The following IGSF10 variants were observed in gnomAD, a reference collection of about 807,000 sequenced individuals.
IGSF10 encodes the protein immunoglobulin superfamily member 10, also known as calvaria mechanical force protein 608.
In IGSF10, 126 loss-of-function variants were observed where a neutral mutation model predicts 128.2. The observed-to-expected ratio is 0.98, with a 90% confidence interval of 0.85 to 1.14. IGSF10 has a LOEUF of 1.14. IGSF10 is among the 50% of genes most tolerant of loss of function. IGSF10 has a pLI of 0.00. For missense variants in IGSF10, 3,295 were observed against 3,149.8 expected (o/e 1.05, Z -1.10); for synonymous variants, 1,185 against 1,146.2 (o/e 1.03, Z -0.68).
the IGSF10 span, chr3:151,565,953 T>C: frequency 6.6e-6 from 1 of 151,482 alleles, no homozygotes; most frequent in East Asian, 2.0e-4. Flanking sequence ...TGAGGAAAGG[T>C]TGGTAGAAAT....
chr3:151,562,248 C>A, the IGSF10 span, among the ~76,000 whole-genome samples: 2 of 152,134 alleles, frequency 1.3e-5, no homozygotes, highest in Admixed American at 1.3e-4. Context: ...TGACAGTTTA[C>A]AAATGCCACA....
the IGSF10 span, among the ~76,000 whole-genome samples, chr3:151,555,611 G>A: frequency 2.0e-5 from 3 of 152,154 alleles, no homozygotes; most frequent in Non-Finnish European, 4.4e-5. Context: ...CCTAATCAAA[G>A]TAGCACTGAT....
chr3:151,496,853 T>C, the IGSF10 span, among the ~76,000 whole-genome samples: 4 of 152,174 alleles, frequency 2.6e-5, no homozygotes, highest in South Asian at 6.2e-4. Flanking sequence ...GTTTCCTGAC[T>C]TTTTAATGAT....
the IGSF10 span, among the ~76,000 whole-genome samples, chr3:151,486,900 T>A: frequency 6.6e-6 from 1 of 152,114 alleles, no homozygotes; most frequent in Non-Finnish European, 1.5e-5. Context: ...CTAAAATTGA[T>A]ATCCTAACAT....
chr3:151,527,341 A>G, the IGSF10 span, among the ~76,000 whole-genome samples: 1 of 152,102 alleles, frequency 6.6e-6, no homozygotes, highest in Non-Finnish European at 1.5e-5. Flanking sequence ...TCATCAAAAC[A>G]TGTCTGTGGG....
the IGSF10 span, among the ~76,000 whole-genome samples, chr3:151,566,189 T>C: frequency 6.6e-6 from 1 of 151,966 alleles, no homozygotes; most frequent in African/African-American, 2.4e-5. Flanking sequence ...AAATCAGAAA[T>C]CTGACCAAAT....
intron 6 of IGSF10, among the ~76,000 whole-genome samples, chr3:151,444,482 A>G (rs9825817): frequency 6.6e-6 from 1 of 151,860 alleles, no homozygotes; most frequent in Admixed American, 6.5e-5. Flanking sequence ...TAATTTATGT[A>G]TTTTTTTAGT....
At chr3:151,567,603 C>T in the IGSF10 span, among the ~76,000 whole-genome samples, 4 of 152,098 alleles carry the variant, frequency 2.6e-5, no homozygotes, top group African/African-American at 9.7e-5. Flanking sequence ...CTTTTATATG[C>T]AAACTAAGCA....
the IGSF10 span, among the ~76,000 whole-genome samples, chr3:151,478,285 A>G: frequency 1.3e-5 from 2 of 152,214 alleles, no homozygotes; most frequent in Non-Finnish European, 2.9e-5. Context: ...TTTGTCATGG[A>G]GACATTATCT....
At chr3:151,506,384 T>TA in the IGSF10 span, among the ~76,000 whole-genome samples, 7 of 152,216 alleles carry the variant, frequency 4.6e-5, no homozygotes, top group African/African-American at 1.7e-4. Context: ...GTAGGTAAGT[T>TA]AAAAGGAACA....
chr3:151,553,679 A>T, the IGSF10 span, among the ~76,000 whole-genome samples: 1 of 150,978 alleles, frequency 6.6e-6, no homozygotes, highest in East Asian at 2.0e-4. Context: ...GTATTTCTTA[A>T]TTTTTTCATC....
At chr3:151,524,283 T>C in the IGSF10 span, among the ~76,000 whole-genome samples, 1 of 152,098 alleles carries the variant, frequency 6.6e-6, no homozygotes, top group Non-Finnish European at 1.5e-5. Context: ...ACTGGGCATA[T>C]ACCCAGAGGG....
At chr3:151,557,869 T>C in the IGSF10 span, among the ~76,000 whole-genome samples, 4 of 149,870 alleles carry the variant, frequency 2.7e-5, no homozygotes, top group African/African-American at 9.9e-5. Flanking sequence ...CTTCAGTATA[T>C]TGTCTACATT....
At chr3:151,552,788 GC>G in the IGSF10 span, among the ~76,000 whole-genome samples, 15 of 152,164 alleles carry the variant, frequency 9.9e-5, no homozygotes, top group Non-Finnish European at 2.2e-4. Context: ...GCAGAGATAA[GC>G]AAAAGCAGTT....
intron 4 of IGSF10, among the ~76,000 whole-genome samples, chr3:151,454,232 G>T (rs1203749268): frequency 6.6e-6 from 1 of 151,826 alleles, no homozygotes; most frequent in African/African-American, 2.4e-5. Flanking sequence ...TGGCAAGGTT[G>T]GTCTCAAACT....
chr3:151,493,998 T>C, the IGSF10 span, among the ~76,000 whole-genome samples: 2 of 151,924 alleles, frequency 1.3e-5, no homozygotes, highest in African/African-American at 4.8e-5. Context: ...AAGAGCATTG[T>C]AAAGAAAAAA....
At chr3:151,568,189 C>T in the IGSF10 span, among the ~76,000 whole-genome samples, 1 of 152,112 alleles carries the variant, frequency 6.6e-6, no homozygotes, top group African/African-American at 2.4e-5. Flanking sequence ...ACTTTTTCCT[C>T]TTTAATCCTG....
At chr3:151,438,725 G>T in intron 7 of IGSF10, 128 bp from the exon 8 acceptor site, 1 of 650,708 alleles carries the variant, frequency 1.5e-6, no homozygotes. Context: ...TATCTTTGAG[G>T]TGTAGAACAT....
At chr3:151,618,799 A>T in the IGSF10 span, among the ~76,000 whole-genome samples, 5 of 147,436 alleles carry the variant, frequency 3.4e-5, no homozygotes, top group African/African-American at 1.3e-4. Context: ...TAAAATAAAT[A>T]AAAAATAAAA....
Sources: gnomAD v4.1 joint callset for allele counts (sites outside exome capture counted in the v4.1 genomes callset) on GRCh38, gnomAD v4.1.1 for gene constraint, MANE v1.5 for transcripts, NCBI Gene and HGNC (gene_info 2026-07-23, HGNC 2026-07-21) for gene names.